Variants in STXBP4 observed in about 807,000 individuals in gnomAD.
The protein encoded by STXBP4 is syntaxin binding protein 4.
A neutral mutation model predicts 76.1 loss-of-function variants in STXBP4; 55 were observed. That is an observed-to-expected ratio of 0.72 (90% CI 0.58 to 0.91). STXBP4 has a LOEUF of 0.91. STXBP4 is among the 40% of genes least tolerant of loss of function. The probability of loss-of-function intolerance (pLI) is 0.00; values close to 1 mark genes in which losing one functional copy is unlikely to be tolerated. For synonymous variants in STXBP4, 201 were observed against 220.2 expected (o/e 0.91, Z 0.77); for missense variants, 618 against 636.9 (o/e 0.97, Z 0.32).
At chr17:55,012,550 T>C (rs2078133821) in intron 8 of STXBP4, among the ~76,000 whole-genome samples, 1 of 152,170 alleles carries the variant, frequency 6.6e-6, no homozygotes, top group Non-Finnish European at 1.5e-5. Flanking sequence ...GTGATAGGTG[T>C]TCCCTCGGAA....
chr17:55,170,499 ACTC>A lies in STXBP4; in HGVS notation c.*10589_*10591del, dbSNP rs1316386835. 1.3e-5 allele frequency: 2 copies of A among 152,120 alleles called. No homozygotes were observed. Among genetic ancestry groups the A allele is most frequent in the East Asian group, 3.8e-4 (2 of 5,198 alleles). The allele number at this position is 152,120 out of a possible 1,614,324, so 9.4% of individuals were successfully genotyped here. ...TATTTATTATATTTTTCTGCATACT[ACTC>A]TACAGTGAGCCTGTCCTTTATAAGA... is the stretch of plus-strand genomic sequence containing the variant. On this transcript the variant is annotated 3_prime_UTR_variant, in exon 18 of 18. Transcript: ENST00000376352.
At chr17:55,052,885 T>TA (rs57404823) in intron 12 of STXBP4, among the ~76,000 whole-genome samples, 2,583 of 104,024 alleles carry the variant, frequency 0.025, 143 homozygotes, top group East Asian at 0.15. Context: ...AAGTTTTGTT[T>TA]AAAAAAAAAA....
chr17:55,136,785 T>C (rs562979072), intron 16 of STXBP4, among the ~76,000 whole-genome samples: 2 of 152,154 alleles, frequency 1.3e-5, no homozygotes, highest in East Asian at 3.9e-4. Context: ...AATGTTATCA[T>C]GAGTAAAACA....
chr17:55,017,720 T>C (rs1598210451), intron 8 of STXBP4, among the ~76,000 whole-genome samples: 1 of 152,176 alleles, frequency 6.6e-6, no homozygotes, highest in Admixed American at 6.5e-5. Context: ...TTTCTTACTC[T>C]AGTCGGCCCT....
rs1355667975 is a variant in STXBP4 at position 55,166,164 on chromosome 17, C to T, written c.*6253C>T. 6.6e-6 allele frequency: 1 copy of T among 152,124 alleles called. No individual in the cohort carries two copies. Among genetic ancestry groups the T allele is most frequent in the Non-Finnish European group, 1.5e-5 (1 of 68,028 alleles). 9.4% of individuals were successfully genotyped at this position (152,124 alleles called of 1,614,324 possible). A position where few individuals can be genotyped will look rare whatever the true frequency, so the allele number is the denominator to read the frequency against. ...CACTTTTGTCCTGTCTCTGCTTCTTCCTTAGGCAGCGATTTACCTAATTGG... is the reference window on the plus strand; with the variant it reads ...CACTTTTGTCCTGTCTCTGCTTCTTTCTTAGGCAGCGATTTACCTAATTGG... On this transcript the variant is annotated 3_prime_UTR_variant, in exon 18 of 18. Transcript: ENST00000376352.
At position 55,052,951 on chromosome 17, in the gene STXBP4, G is replaced by GT. The variant is rs71159281; in HGVS notation, c.1011+5797_1011+5798insT. 4.3e-3 allele frequency among the ~76,000 whole-genome samples: 577 copies of GT among 134,940 alleles called. 7 individuals are homozygous for GT. The highest frequency in any genetic ancestry group is 0.015 in the African/African-American group (525 of 35,402). 88.5% of individuals were successfully genotyped at this position (134,940 alleles called of 152,430 possible). ...TGTGTGTGTGTGTGTGTGTGTGTGT[G>GT]GGTTGTATTCTTTAGAAATGTCAAT... On this transcript the variant is annotated intron_variant, in intron 12 of 17. Transcript: ENST00000376352.
Position 55,070,314 on chromosome 17 carries a change from ATAGT to A in STXBP4, c.1012-2582_1012-2579del, listed in dbSNP as rs372562580. On this transcript the variant is annotated intron_variant, in intron 12 of 17. Transcript: ENST00000376352. ...AAAACATTGAGAATAGTGCTGGCAC[ATAGT>A]TAGCCATTATCTCCTGTATGCACAG... Among the ~76,000 whole-genome samples, 440 of 152,344 alleles carry A rather than the reference ATAGT, an allele frequency of 2.9e-3. 8 individuals carry two copies. In the South Asian group the frequency reaches 0.045, roughly 16 times the overall value.
chr17:55,008,892 G>A (rs1011599373), intron 8 of STXBP4, among the ~76,000 whole-genome samples: 5 of 152,184 alleles, frequency 3.3e-5, no homozygotes, highest in African/African-American at 9.6e-5. Context: ...GCACACCAAA[G>A]TGCCATACTT....
chr17:55,122,119 T>C lies in STXBP4; in HGVS notation c.1490-19191T>C, dbSNP rs562265482. The stretch of plus-strand genomic sequence containing the variant: ...TTTTTCTAAATCCCTCCAGACAATA[T>C]TGCTTTTTAAAAAATGTTGAAGATG... On this transcript the variant is annotated intron_variant, in intron 16 of 17. Coordinates refer to ENST00000376352, the MANE Select transcript of STXBP4 (RefSeq NM_178509.6). Among the ~76,000 whole-genome samples the C allele has an allele frequency of 2.1e-4, 32 of 152,346 alleles. 1 individual carries two copies. The East Asian group carries it at 4.8e-3, about 23-fold the overall frequency.
chr17:55,016,239 G>T (rs1465496714), intron 8 of STXBP4, among the ~76,000 whole-genome samples: 2 of 152,040 alleles, frequency 1.3e-5, no homozygotes, highest in Non-Finnish European at 2.9e-5. Context: ...TACACTCACC[G>T]ATGTAGCAGT....
chr17:55,136,719 T>C (rs12601865), intron 16 of STXBP4, among the ~76,000 whole-genome samples: 2,923 of 152,226 alleles, frequency 0.019, 81 homozygotes, highest in East Asian at 0.15. Context: ...ATATTTACCA[T>C]CACACTACTG....
intron 7 of STXBP4, 28 bp downstream of exon 7, chr17:55,000,911 T>A (rs2077902828): frequency 7.0e-7 from 1 of 1,423,598 alleles, no homozygotes; most frequent in Admixed American, 1.8e-5. Flanking sequence ...TTCTATTTCC[T>A]GTTTTTTATT....
intron 10 of STXBP4, among the ~76,000 whole-genome samples, chr17:55,040,488 T>G (rs2078679526): frequency 1.3e-5 from 2 of 152,272 alleles, no homozygotes; most frequent in South Asian, 2.1e-4. Context: ...GTTAACTGTT[T>G]TGTAACTGTT....
intron 16 of STXBP4, among the ~76,000 whole-genome samples, chr17:55,122,212 G>A (rs527878886): frequency 6.6e-6 from 1 of 152,280 alleles, no homozygotes; most frequent in South Asian, 2.1e-4. Flanking sequence ...CAAAGCCTGA[G>A]CTGTGTACCA....
At chr17:55,177,656 C>T (rs901144144), downstream of STXBP4, among the ~76,000 whole-genome samples, 6 of 152,188 alleles carry the variant, frequency 3.9e-5, no homozygotes, top group African/African-American at 1.4e-4. Context: ...CTGTGTGGCA[C>T]ATGATTGCTG....
At chr17:54,975,695 A>G (rs1299534590) in intron 1 of STXBP4, among the ~76,000 whole-genome samples, 1 of 152,132 alleles carries the variant, frequency 6.6e-6, no homozygotes, top group Non-Finnish European at 1.5e-5. Context: ...CAAACTTGCT[A>G]CCATAGCCCA....
intron 8 of STXBP4, among the ~76,000 whole-genome samples, chr17:55,014,707 C>T (rs1431658436): frequency 6.6e-6 from 1 of 152,156 alleles, no homozygotes; most frequent in Non-Finnish European, 1.5e-5. Context: ...GACCTTCATC[C>T]CCTGGGGCAA....
rs114837579 is a variant in STXBP4, at chr17:55,006,231, A to G, written c.575-1275A>G. 4.7e-3 allele frequency among the ~76,000 whole-genome samples: 723 copies of G among 152,250 alleles called. 7 individuals carry two copies. Among genetic ancestry groups the G allele is most frequent in the African/African-American group, 0.013 (522 of 41,558 alleles). On this transcript the variant is annotated intron_variant, in intron 7 of 17. Coordinates refer to ENST00000376352, the MANE Select transcript of STXBP4 (RefSeq NM_178509.6). ...ATCTTGACACCTATAAGCTATATTA[A>G]AGATTTTACATAGAATGTTAAGGAT...
intron 13 of STXBP4, among the ~76,000 whole-genome samples, chr17:55,076,989 T>C (rs1169244358): frequency 1.3e-5 from 2 of 152,192 alleles, no homozygotes; most frequent in East Asian, 3.8e-4. Context: ...AGATGTATTT[T>C]TTATGTTATC....
Sources: gnomAD v4.1 joint callset for allele counts (sites outside exome capture counted in the v4.1 genomes callset) on GRCh38, gnomAD v4.1.1 for gene constraint, MANE v1.5 for transcripts, NCBI Gene and HGNC (gene_info 2026-07-23, HGNC 2026-07-21) for gene names.